Variants in SYT9 observed in about 807,000 individuals in gnomAD.
The protein encoded by SYT9 is synaptotagmin-9.
In SYT9, 22 loss-of-function variants were observed where a neutral mutation model predicts 48.4. The ratio of observed to expected loss-of-function variants is 0.45; its 90% CI spans 0.32 to 0.65. SYT9 has a LOEUF of 0.65. Ranked by LOEUF, SYT9 falls within the 30% of genes least tolerant of loss-of-function variation. SYT9 has a pLI of 0.03. For missense variants in SYT9, 577 were observed against 622.0 expected (o/e 0.93, Z 0.77); for synonymous variants, 265 against 245.0 (o/e 1.08, Z -0.76).
At chr11:7,362,335 A>T (rs767967542) in intron 3 of SYT9, among the ~76,000 whole-genome samples, 1 of 151,662 alleles carries the variant, frequency 6.6e-6, no homozygotes, top group African/African-American at 2.4e-5. Context: ...AGGTTTCACA[A>T]TGTTGGCCAG....
chr11:7,333,470 G>A (rs1436126081), intron 3 of SYT9, among the ~76,000 whole-genome samples: 1 of 152,178 alleles, frequency 6.6e-6, no homozygotes, highest in Non-Finnish European at 1.5e-5. Flanking sequence ...CAGAATAAAT[G>A]TATCTTTAAG....
chr11:7,461,561 C>T (rs1043261591), intron 6 of SYT9, among the ~76,000 whole-genome samples: 29 of 152,070 alleles, frequency 1.9e-4, no homozygotes, highest in African/African-American at 7.0e-4. Flanking sequence ...TTAGTAGAGA[C>T]GAGGTTTCAC....
chr11:7,249,333 C>G (rs1847831152), upstream of SYT9, among the ~76,000 whole-genome samples: 1 of 152,166 alleles, frequency 6.6e-6, no homozygotes, highest in African/African-American at 2.4e-5. Context: ...CACTTCTACA[C>G]ATTCTGTTGA....
chr11:7,373,442 T>A (rs1850398889), intron 3 of SYT9, among the ~76,000 whole-genome samples: 1 of 152,150 alleles, frequency 6.6e-6, no homozygotes, highest in Non-Finnish European at 1.5e-5. Flanking sequence ...CTGGCATATG[T>A]CGAGCTCTGG....
At chr11:7,259,115 G>T (rs1309555385) in intron 1 of SYT9, among the ~76,000 whole-genome samples, 1 of 152,004 alleles carries the variant, frequency 6.6e-6, no homozygotes, top group Admixed American at 6.6e-5. Context: ...AGTAGAACTG[G>T]GCATCCTATA....
At chr11:7,300,836 G>A (rs1045901021) in intron 1 of SYT9, among the ~76,000 whole-genome samples, 2 of 152,094 alleles carry the variant, frequency 1.3e-5, no homozygotes, top group Non-Finnish European at 2.9e-5. Flanking sequence ...TCTCCTGTGT[G>A]AGCGGTCAGA....
intron 6 of SYT9, among the ~76,000 whole-genome samples, chr11:7,432,547 CAAAAAAAAA>C (rs67650978): frequency 1.1e-3 from 18 of 16,896 alleles, no homozygotes; most frequent in South Asian, 3.3e-3. Context: ...GACTCCATCT[CAAAAAAAAA>C]AAAAAAAAAA....
rs182373298 is a variant in SYT9, at chr11:7,337,675, T to G, written c.1044+23734T>G. 5.9e-5 allele frequency among the ~76,000 whole-genome samples: 9 copies of G among 152,342 alleles called. No individual in the cohort carries two copies. The East Asian group carries it at 1.7e-3, about 29-fold the overall frequency. On this transcript the variant is annotated intron_variant, in intron 3 of 6. Transcript: ENST00000318881. ...ATGTGATTAATCACATTTATTGATT[T>G]GTGTATGTTGAACCAACCTTGCATC...
chr11:7,371,849 A>C (rs1850368070), intron 3 of SYT9, among the ~76,000 whole-genome samples: 1 of 152,090 alleles, frequency 6.6e-6, no homozygotes, highest in East Asian at 1.9e-4. Context: ...TTCGTTGTTA[A>C]ATAATATTAC....
At chr11:7,385,822 C>A (rs142423501) in intron 3 of SYT9, among the ~76,000 whole-genome samples, 1 of 152,268 alleles carries the variant, frequency 6.6e-6, no homozygotes, top group East Asian at 1.9e-4. Context: ...TCCAGGAGAG[C>A]AAATGTTTCT....
chr11:7,299,605 C>T (rs1848880382), intron 1 of SYT9, among the ~76,000 whole-genome samples: 2 of 152,182 alleles, frequency 1.3e-5, no homozygotes, highest in South Asian at 2.1e-4. Context: ...GGCCACAACC[C>T]GCACAACCAT....
chr11:7,348,433 T>C (rs1027077805), intron 3 of SYT9, among the ~76,000 whole-genome samples: 2 of 152,220 alleles, frequency 1.3e-5, no homozygotes. Flanking sequence ...CATATAGTGC[T>C]TTCTTAACAC....
At chr11:7,336,379 A>C (rs1284084482) in intron 3 of SYT9, among the ~76,000 whole-genome samples, 1 of 152,100 alleles carries the variant, frequency 6.6e-6, no homozygotes, top group Non-Finnish European at 1.5e-5. Flanking sequence ...CTTTAGTTGC[A>C]GTTGCTTTTG....
intron 1 of SYT9, among the ~76,000 whole-genome samples, chr11:7,281,085 T>G (rs886563394): frequency 1.3e-5 from 2 of 152,242 alleles, no homozygotes; most frequent in African/African-American, 2.4e-5. Flanking sequence ...GGGCAGATTT[T>G]CTGAACTCAC....
chr11:7,343,948 C>T (rs1411967573), intron 3 of SYT9, among the ~76,000 whole-genome samples: 4 of 152,140 alleles, frequency 2.6e-5, no homozygotes, highest in African/African-American at 9.7e-5. Context: ...TCTCATGAGA[C>T]TTATTCACTA....
In SYT9 at chr11:7,454,552, G is replaced by A. The variant is rs537692647; in HGVS notation, c.1468-12240G>A. ...ACGAGTGAAGACAATGCGAGTAACT[G>A]AAATTAAAAATTCTATAGCCAGGGA... On this transcript the variant is annotated intron_variant, in intron 6 of 6. Transcript: ENST00000318881. 3.3e-5 allele frequency among the ~76,000 whole-genome samples: 5 copies of A among 152,186 alleles called. No individual in the cohort carries two copies. The East Asian group carries it at 7.7e-4, about 23-fold the overall frequency.
intron 3 of SYT9, among the ~76,000 whole-genome samples, chr11:7,404,907 C>G (rs1050270581): frequency 6.6e-6 from 1 of 152,040 alleles, no homozygotes; most frequent in East Asian, 1.9e-4. Context: ...GTTTATAGAT[C>G]GACAGATAGA....
intron 1 of SYT9, among the ~76,000 whole-genome samples, chr11:7,261,507 G>T (rs2119815517): frequency 6.6e-6 from 1 of 152,152 alleles, no homozygotes; most frequent in African/African-American, 2.4e-5. Context: ...TTAAAAGTTT[G>T]CCCTCATGAA....
chr11:7,279,702 G>A (rs893713927), intron 1 of SYT9, among the ~76,000 whole-genome samples: 2 of 152,124 alleles, frequency 1.3e-5, no homozygotes, highest in Admixed American at 6.5e-5. Flanking sequence ...TTTTAGAACC[G>A]TTGCTTCAAA....
Sources: allele counts gnomAD v4.1 joint callset (sites outside exome capture counted in the v4.1 genomes callset), GRCh38; gene constraint gnomAD v4.1.1; transcripts MANE v1.5; gene names NCBI Gene and HGNC (gene_info 2026-07-23, HGNC 2026-07-21).